ACTA2: variants seen among roughly 807,000 people sequenced by gnomAD.
The protein encoded by ACTA2 is actin alpha 2, smooth muscle.
ACTA2 carries 12 observed loss-of-function variants against 39.5 expected under a neutral mutation model. The observed-to-expected ratio is 0.30, with a 90% CI of 0.19 to 0.49. ACTA2 has a LOEUF of 0.49. ACTA2 is among the 20% of genes least tolerant of loss of function. ACTA2 has a pLI of 0.99. For missense variants in ACTA2, 236 were observed against 498.8 expected (o/e 0.47, Z 5.02); for synonymous variants, 158 against 180.6 (o/e 0.88, Z 1.00).
intron 1 of ACTA2, among the ~76,000 whole-genome samples, chr10:88,949,555 A>G (rs1846012881): frequency 1.3e-5 from 2 of 152,316 alleles, no homozygotes; most frequent in East Asian, 3.9e-4. Flanking sequence ...AAATTTTCTG[A>G]GAAGGTGCTT....
At chr10:88,956,414 T>TCCTCCTGTCTC (rs1846139516), upstream of ACTA2, among the ~76,000 whole-genome samples, 1 of 152,184 alleles carries the variant, frequency 6.6e-6, no homozygotes, top group Non-Finnish European at 1.5e-5. Flanking sequence ...CTGACACTAA[T>TCCTCCTGTCTC]CCTCCTGTCT....
Position 88,943,926 on chromosome 10 carries a change from G to A in ACTA2, c.259-19C>T. On this transcript the variant is annotated intron_variant, in intron 3 of 8. Transcript: ENST00000224784. The stretch of plus-strand genomic sequence containing the variant: ...GCCAGATCTAGTGAGTTGGGGGACA[G>A]AGGAGAAACACAATGATGTGCTGTC... 6.2e-7 allele frequency: 1 copy of A among 1,606,192 alleles called. No individual in the cohort carries two copies. The highest frequency in any genetic ancestry group is 8.5e-7 in the Non-Finnish European group (1 of 1,172,944).
At chr10:88,958,046 G>A (rs990582980) in intron 1 of ACTA2, among the ~76,000 whole-genome samples, 6 of 152,196 alleles carry the variant, frequency 3.9e-5, no homozygotes, top group African/African-American at 7.2e-5. Context: ...GATTACAGAC[G>A]TGACTCCCTA....
At chr10:88,979,904 C>T (rs1038361059) in intron 1 of ACTA2, among the ~76,000 whole-genome samples, 4 of 152,132 alleles carry the variant, frequency 2.6e-5, no homozygotes, top group Admixed American at 1.3e-4. Context: ...TGGGGTAGAT[C>T]CTGGCAAAAT....
intron 8 of ACTA2, among the ~76,000 whole-genome samples, chr10:88,936,360 A>C (rs1236556887): frequency 1.3e-5 from 2 of 152,196 alleles, no homozygotes; most frequent in East Asian, 3.9e-4. Flanking sequence ...AAAGTTGTAA[A>C]GAATTTAGTA....
At chr10:88,989,398 A>G (rs1847031677) in intron 1 of ACTA2, 3 of 428,930 alleles carry the variant, frequency 7.0e-6, no homozygotes, top group Middle Eastern at 7.1e-4. Flanking sequence ...GATTTCAAAA[A>G]ATTTGCAGAG....
chr10:88,957,248 G>A (rs1239636355), upstream of ACTA2, among the ~76,000 whole-genome samples: 2 of 152,174 alleles, frequency 1.3e-5, no homozygotes, highest in Non-Finnish European at 2.9e-5. Context: ...GTATTTATAA[G>A]ATTCACGAGG....
chr10:88,990,832 C>T lies in ACTA2; in HGVS notation c.-24+107G>A. ...CGCGGGTTGGTGGACCCGCTCAGTACGGAGTTGGGGAAGCTCTTTCACTTC... is the reference window on the plus strand; with the variant it reads ...CGCGGGTTGGTGGACCCGCTCAGTATGGAGTTGGGGAAGCTCTTTCACTTC... On this transcript the variant is annotated intron_variant, in intron 1 of 4. Transcript: ENST00000415557. This position sits in a 1 kb window ranked among gnomAD's most constrained non-coding sequence, Gnocchi z 4.9. 1.2e-6 allele frequency: 2 copies of T among 1,613,948 alleles called. No homozygotes were observed. The highest frequency in any genetic ancestry group is 1.7e-6 in the Non-Finnish European group (2 of 1,179,806).
At chr10:88,951,671 G>A (rs1194470244) in intron 1 of ACTA2, among the ~76,000 whole-genome samples, 1 of 152,152 alleles carries the variant, frequency 6.6e-6, no homozygotes, top group African/African-American at 2.4e-5. Flanking sequence ...TCCTAATTAG[G>A]TAAAACACGC....
rs1304133915 is a variant in ACTA2 at position 88,947,253 on chromosome 10, C to A, written c.258+5G>T. 3 of 1,613,746 alleles carry A rather than the reference C, an allele frequency of 1.9e-6. No homozygotes were observed. The highest frequency in any genetic ancestry group is 2.5e-6 in the Non-Finnish European group (3 of 1,179,838). On this transcript the variant is annotated splice_donor_5th_base_variant and intron_variant, in intron 3 of 8. Coordinates refer to ENST00000224784, the MANE Select transcript of ACTA2 (RefSeq NM_001613.4). ...AGGGCCCAAGCTGCAGCAAACCTCCCATACCTTTTCCATGTCGTCCCAGTT... is the reference window on the plus strand; with the variant it reads ...AGGGCCCAAGCTGCAGCAAACCTCCAATACCTTTTCCATGTCGTCCCAGTT...
chr10:88,938,098 T>C lies in ACTA2; in HGVS notation c.953A>G (p.Glu318Gly), dbSNP rs1564642642. ...YPGIADRMQK[E>G]ITALAPSTMK... ...GGTGCTGGGTGCTAGGGCCGTGATC[T>C]CCTTCTGCATTCGGTCGGCAATGCC... The change falls in exon 8 of 9, where the codon GAG (glutamate) becomes GGG (glycine). Residue 318 changes from glutamate to glycine, a missense_variant. By Grantham distance (98) the Glu-to-Gly change is moderately conservative. Coordinates refer to ENST00000224784, the MANE Select transcript of ACTA2 (RefSeq NM_001613.4). The C allele has an allele frequency of 6.2e-7, 1 of 1,614,028 alleles. No individual in the cohort carries two copies. Among genetic ancestry groups the C allele is most frequent in the Non-Finnish European group, 8.5e-7 (1 of 1,179,920 alleles).
At chr10:88,955,837 G>C (rs1253334948), upstream of ACTA2, among the ~76,000 whole-genome samples, 1 of 152,146 alleles carries the variant, frequency 6.6e-6, no homozygotes, top group African/African-American at 2.4e-5. Context: ...ATCAATACAC[G>C]GGGGTTATGA....
intron 8 of ACTA2, among the ~76,000 whole-genome samples, chr10:88,937,058 T>C (rs1290919970): frequency 1.3e-5 from 2 of 152,092 alleles, no homozygotes; most frequent in Non-Finnish European, 2.9e-5. Flanking sequence ...CTCCCTCTTG[T>C]GTGGAAGTAA....
At chr10:88,988,055 T>C (rs973125647) in intron 1 of ACTA2, among the ~76,000 whole-genome samples, 1 of 152,210 alleles carries the variant, frequency 6.6e-6, no homozygotes, top group African/African-American at 2.4e-5. Context: ...TGTTGGCCAA[T>C]GCTAAAGTTT....
intron 1 of ACTA2, among the ~76,000 whole-genome samples, chr10:88,962,268 C>A (rs1483864597): frequency 1.3e-5 from 2 of 152,288 alleles, no homozygotes; most frequent in East Asian, 3.9e-4. Context: ...AAAAGGACAA[C>A]AGGCTAAATC....
chr10:88,942,381 G>A (rs1845871820), intron 4 of ACTA2, among the ~76,000 whole-genome samples: 1 of 152,208 alleles, frequency 6.6e-6, no homozygotes, highest in South Asian at 2.1e-4. Context: ...GCTCAGGCTG[G>A]CTAGGTTTAG....
At chr10:88,963,376 T>C (rs1846268744) in intron 1 of ACTA2, among the ~76,000 whole-genome samples, 1 of 151,868 alleles carries the variant, frequency 6.6e-6, no homozygotes, top group South Asian at 2.1e-4. Flanking sequence ...ACTTATTACA[T>C]AGATAATAAG....
At chr10:88,981,954 T>C (rs1186177004) in intron 1 of ACTA2, among the ~76,000 whole-genome samples, 1 of 152,224 alleles carries the variant, frequency 6.6e-6, no homozygotes, top group African/African-American at 2.4e-5. Flanking sequence ...TACCTCTATG[T>C]GAATCAGGAA....
chr10:88,973,545 C>T (rs2133329266), intron 1 of ACTA2: 2 of 380,732 alleles, frequency 5.3e-6, no homozygotes, highest in East Asian at 8.6e-5. Context: ...GTTTGGGATG[C>T]AATGTTGTGT....
Sources: gnomAD v4.1 joint callset for allele counts (sites outside exome capture counted in the v4.1 genomes callset) on GRCh38, gnomAD v4.1.1 for gene constraint, Gnocchi (gnomAD v3.1) non-coding constraint, MANE v1.5 for transcripts, NCBI Gene and HGNC (gene_info 2026-07-23, HGNC 2026-07-21) for gene names.